The following FAM120A variants were observed in gnomAD, a reference collection of about 807,000 sequenced individuals.
FAM120A encodes the protein family with sequence similarity 120 member A, also known as constitutive coactivator of PPAR-gamma-like protein 1.
In FAM120A, 15 loss-of-function variants were observed where a neutral mutation model predicts 109.7. The observed-to-expected ratio is 0.14, with a 90% confidence interval of 0.09 to 0.21. FAM120A has a LOEUF of 0.21. Ranked by LOEUF, FAM120A falls within the 10% of genes least tolerant of loss-of-function variation. The probability of loss-of-function intolerance (pLI) is 1.00; values close to 1 mark genes in which losing one functional copy is unlikely to be tolerated. For missense variants in FAM120A, 899 were observed against 1,439.3 expected (o/e 0.62, Z 6.07); for synonymous variants, 493 against 572.8 (o/e 0.86, Z 1.99).
chr9:93,457,536 C>T (rs1857605155), intron 1 of FAM120A, among the ~76,000 whole-genome samples: 1 of 152,134 alleles, frequency 6.6e-6, no homozygotes, highest in Non-Finnish European at 1.5e-5. Context: ...CCAACCCCGA[C>T]AGATGGTATA....
rs776147902 is a variant in FAM120A at position 93,550,559 on chromosome 9, G to C, written c.2160-18G>C. On this transcript the variant is annotated intron_variant, in intron 11 of 17. Coordinates refer to ENST00000277165, the MANE Select transcript of FAM120A (RefSeq NM_014612.5). ...ACCACTCAGTAATCACCAACCTTTT[G>C]TTTCTGCCCCTCACCAGGTACATGG... The C allele has an allele frequency of 1.9e-6, 3 of 1,605,624 alleles. No homozygotes were observed. Among genetic ancestry groups the C allele is most frequent in the East Asian group, 4.5e-5 (2 of 44,826 alleles).
At chr9:93,457,656 C>G (rs1170409876) in intron 1 of FAM120A, among the ~76,000 whole-genome samples, 1 of 152,086 alleles carries the variant, frequency 6.6e-6, no homozygotes, top group Non-Finnish European at 1.5e-5. Context: ...AAGCCAGAAA[C>G]CCAGATTTTT....
chr9:93,523,384 G>A (rs1189128562), intron 7 of FAM120A: 1 of 1,191,994 alleles, frequency 8.4e-7, no homozygotes, highest in Non-Finnish European at 1.1e-6. Flanking sequence ...CTGGGGCTGA[G>A]GGAATGACTT....
At chr9:93,497,637 A>G (rs781037252) in intron 4 of FAM120A, 38 bp downstream of exon 4, 1 of 1,585,556 alleles carries the variant, frequency 6.3e-7, no homozygotes, top group Non-Finnish European at 8.5e-7. Flanking sequence ...AAACAGATTC[A>G]TGGGATATGA....
rs780987645 is a variant in FAM120A at position 93,561,085 on chromosome 9, T to A, written c.2807-24T>A. On this transcript the variant is annotated intron_variant, in intron 15 of 17. Transcript: ENST00000277165. ...TAATTCTGTGATTGTAAAGATTTTG[T>A]CTTTTTGTATATTTTTTATGCAGGA... 4 of 1,610,814 alleles carry A rather than the reference T, an allele frequency of 2.5e-6. No homozygotes were observed. The South Asian group carries it at 4.4e-5, about 18-fold the overall frequency.
chr9:93,474,763 T>G (rs1588802195), intron 2 of FAM120A, among the ~76,000 whole-genome samples: 2 of 152,128 alleles, frequency 1.3e-5, no homozygotes, highest in South Asian at 2.1e-4. Flanking sequence ...CCTGCTAATT[T>G]TTTGTATTTT....
intron 12 of FAM120A, among the ~76,000 whole-genome samples, chr9:93,552,775 T>C (rs1862145028): frequency 6.6e-6 from 1 of 152,252 alleles, no homozygotes; most frequent in African/African-American, 2.4e-5. Context: ...CAGTGCTTTG[T>C]TGTAATACAC....
At chr9:93,509,746 CAGT>C (rs1239692982) in intron 5 of FAM120A, among the ~76,000 whole-genome samples, 1 of 152,072 alleles carries the variant, frequency 6.6e-6, no homozygotes. Context: ...ATAGAAGAAA[CAGT>C]AGAATGAGTG....
At chr9:93,477,613 C>G (rs1858603117) in intron 3 of FAM120A, among the ~76,000 whole-genome samples, 1 of 152,202 alleles carries the variant, frequency 6.6e-6, no homozygotes, top group African/African-American at 2.4e-5. Flanking sequence ...AGCACTGCAC[C>G]TGTGCTCAGT....
chr9:93,468,836 A>G (rs1249886371), intron 1 of FAM120A, among the ~76,000 whole-genome samples: 2 of 152,202 alleles, frequency 1.3e-5, no homozygotes, highest in Non-Finnish European at 2.9e-5. Flanking sequence ...TTACCGGGTT[A>G]AAGAGTGTGA....
chr9:93,465,551 A>G (rs1266798845), intron 1 of FAM120A, among the ~76,000 whole-genome samples: 1 of 152,094 alleles, frequency 6.6e-6, no homozygotes, highest in Non-Finnish European at 1.5e-5. Flanking sequence ...CAGCTGATGT[A>G]TTGTCTTCTA....
rs935885166 is a variant in FAM120A, at chr9:93,500,717, A to G, written c.1030+1831A>G. On this transcript the variant is annotated intron_variant, in intron 5 of 17. Coordinates refer to ENST00000277165, the MANE Select transcript of FAM120A (RefSeq NM_014612.5). This position sits in a 1 kb window ranked among gnomAD's most constrained non-coding sequence, Gnocchi z 4.6. ...ACAGAGCATCAGCAGGAGGGAGACT[A>G]GCTGTATACTGTTTCATCAGTTAAG... Among the ~76,000 whole-genome samples, 1 of 152,234 alleles carries G rather than the reference A, an allele frequency of 6.6e-6. No homozygotes were observed. Among genetic ancestry groups the G allele is most frequent in the African/African-American group, 2.4e-5 (1 of 41,458 alleles).
intron 3 of FAM120A, among the ~76,000 whole-genome samples, chr9:93,483,278 A>C (rs1447451953): frequency 6.6e-6 from 1 of 152,128 alleles, no homozygotes; most frequent in Non-Finnish European, 1.5e-5. Flanking sequence ...GTTTAGTAAG[A>C]GCTAAGAAAA....
chr9:93,490,974 A>C (rs990445926), intron 3 of FAM120A, among the ~76,000 whole-genome samples: 2 of 152,224 alleles, frequency 1.3e-5, no homozygotes. Context: ...TGTAGTATGT[A>C]GTATGGGTGC....
chr9:93,547,308 A>G (rs1022406408), intron 11 of FAM120A, among the ~76,000 whole-genome samples: 1 of 152,228 alleles, frequency 6.6e-6, no homozygotes, highest in Non-Finnish European at 1.5e-5. Flanking sequence ...AAATACAGTA[A>G]CAGGGATGGA....
At chr9:93,483,086 A>C (rs1438746541) in intron 3 of FAM120A, among the ~76,000 whole-genome samples, 4 of 152,180 alleles carry the variant, frequency 2.6e-5, no homozygotes, top group African/African-American at 9.6e-5. Context: ...GTTGGGTATA[A>C]ACTGTAAATA....
intron 1 of FAM120A, among the ~76,000 whole-genome samples, chr9:93,463,103 G>A (rs1227986020): frequency 6.6e-6 from 1 of 152,172 alleles, no homozygotes; most frequent in Non-Finnish European, 1.5e-5. Context: ...GATTTCCCAA[G>A]AGGCCACGCT....
At chr9:93,454,265 T>C (rs1273697963) in intron 1 of FAM120A, among the ~76,000 whole-genome samples, 1 of 152,230 alleles carries the variant, frequency 6.6e-6, no homozygotes, top group African/African-American at 2.4e-5. Context: ...ATAGTGCGAA[T>C]TGCACAAAAT....
intron 7 of FAM120A, among the ~76,000 whole-genome samples, chr9:93,519,008 G>A (rs1467776191): frequency 6.6e-6 from 1 of 151,906 alleles, no homozygotes; most frequent in Non-Finnish European, 1.5e-5. Context: ...TTCCAGTGTG[G>A]CCCAGGGATG....
Sources: gnomAD v4.1 joint callset for allele counts (sites outside exome capture counted in the v4.1 genomes callset) on GRCh38, gnomAD v4.1.1 for gene constraint, Gnocchi (gnomAD v3.1) non-coding constraint, MANE v1.5 for transcripts, NCBI Gene and HGNC (gene_info 2026-07-23, HGNC 2026-07-21) for gene names.